Variants in THTPA observed in about 807,000 individuals in gnomAD.
THTPA encodes thiamine triphosphatase.
THTPA carries 16 observed loss-of-function variants against 16.5 expected under a neutral mutation model. The observed-to-expected ratio is 0.97, with a 90% CI of 0.66 to 1.47. The LOEUF is 1.47. Ranked by LOEUF, THTPA falls within the 40% of genes most tolerant of loss-of-function variation. The probability of loss-of-function intolerance (pLI) is 0.00; values close to 1 mark genes in which losing one functional copy is unlikely to be tolerated. For synonymous variants in THTPA, 110 were observed against 115.5 expected (o/e 0.95, Z 0.30); for missense variants, 281 against 280.9 (o/e 1.00, Z 0.00).
rs747620514 is a variant in THTPA, at chr14:23,557,158, G to A, written c.401G>A (p.Gly134Glu). The change falls in exon 1 of 2, where the codon GGA becomes GAA. Residue 134 changes from glycine to glutamate, a missense_variant. By Grantham distance (98) the Gly-to-Glu change is moderately conservative. Transcript: ENST00000288014. ...AGTGCCTGGAAGCTGGTGCTCTTGGGAGCTGATGAAGAGGAGCCACAGCTC... is the reference window on the plus strand; with the variant it reads ...AGTGCCTGGAAGCTGGTGCTCTTGGAAGCTGATGAAGAGGAGCCACAGCTC... Reference protein sequence around the residue: ...KRSAWKLVLLGADEEEPQLRV... With the variant: ...KRSAWKLVLLEADEEEPQLRV... The A allele has an allele frequency of 6.2e-7, 1 of 1,614,182 alleles. No individual in the cohort carries two copies. The highest frequency in any genetic ancestry group is 2.2e-5 in the East Asian group (1 of 44,880).
the THTPA span, among the ~76,000 whole-genome samples, chr14:23,520,274 T>A: frequency 6.6e-6 from 1 of 151,666 alleles, no homozygotes; most frequent in Non-Finnish European, 1.5e-5. The surrounding 1 kb of genome is among the most constrained non-coding windows in gnomAD (Gnocchi z 8.7). Flanking sequence ...CAGCAGCTGC[T>A]GCTTAACGGA....
chr14:23,522,597 A>T, the THTPA span: 67 of 1,529,552 alleles, frequency 4.4e-5, 2 homozygotes, highest in Admixed American at 9.8e-4. Context: ...TGGGGGCCAA[A>T]GACAGCTGGC....
chr14:23,512,249 C>A, the THTPA span, among the ~76,000 whole-genome samples: 2 of 152,044 alleles, frequency 1.3e-5, no homozygotes, highest in Non-Finnish European at 2.9e-5. Flanking sequence ...CAGAAGGCAT[C>A]GCAGATGGCT....
At chr14:23,512,378 A>C in the THTPA span, among the ~76,000 whole-genome samples, 1 of 151,902 alleles carries the variant, frequency 6.6e-6, no homozygotes, top group African/African-American at 2.4e-5. Flanking sequence ...CAGGCAGGGA[A>C]GGGCACAGGG....
At chr14:23,548,783 C>T in the THTPA span, among the ~76,000 whole-genome samples, 12 of 152,180 alleles carry the variant, frequency 7.9e-5, no homozygotes, top group Non-Finnish European at 1.5e-4. Flanking sequence ...GGGCATTTCT[C>T]TCTTCTGGGG....
chr14:23,551,859 C>T (rs987881704), upstream of THTPA, among the ~76,000 whole-genome samples: 9 of 152,194 alleles, frequency 5.9e-5, no homozygotes, highest in African/African-American at 2.2e-4. This position sits in a 1 kb window ranked among gnomAD's most constrained non-coding sequence, Gnocchi z 5.3. Flanking sequence ...TGTTCGCGCC[C>T]GCCCGCCTGC....
At chr14:23,524,402 C>T in the THTPA span, 507 of 1,536,260 alleles carry the variant, frequency 3.3e-4, no homozygotes, top group Admixed American at 5.9e-4. This position sits in a 1 kb window ranked among gnomAD's most constrained non-coding sequence, Gnocchi z 5.6. Flanking sequence ...CCCTCCTCCC[C>T]CTGCTTCACT....
upstream of THTPA, among the ~76,000 whole-genome samples, chr14:23,554,253 G>T (rs1011152172): frequency 6.6e-6 from 1 of 152,084 alleles, no homozygotes; most frequent in Non-Finnish European, 1.5e-5. Flanking sequence ...TAACAAAACC[G>T]GAAAGCAAAA....
the THTPA span, chr14:23,525,432 G>A: frequency 1.3e-5 from 20 of 1,536,022 alleles, no homozygotes; most frequent in African/African-American, 9.6e-5. The surrounding 1 kb of genome is among the most constrained non-coding windows in gnomAD (Gnocchi z 5.9). Flanking sequence ...AGAAAGCGGC[G>A]GTGGACATGT....
At chr14:23,536,028 TCAA>T in the THTPA span, among the ~76,000 whole-genome samples, 1 of 152,192 alleles carries the variant, frequency 6.6e-6, no homozygotes, top group Non-Finnish European at 1.5e-5. Context: ...CATATCCACT[TCAA>T]CAGCAACTTC....
chr14:23,512,970 GGAGA>G, the THTPA span: 1 of 151,902 alleles, frequency 6.6e-6, no homozygotes, highest in Admixed American at 6.6e-5. Context: ...TGTGGATGAA[GGAGA>G]GAGAGAGAAA....
At chr14:23,527,471 C>T in the THTPA span, 1 of 1,203,564 alleles carries the variant, frequency 8.3e-7, no homozygotes, top group Non-Finnish European at 1.2e-6. Context: ...CCTCACCCAG[C>T]CAACACACGC....
the THTPA span, among the ~76,000 whole-genome samples, chr14:23,550,747 T>TCAA: frequency 0.024 from 3,663 of 151,920 alleles, 80 homozygotes; most frequent in South Asian, 0.094. Flanking sequence ...CCTCACCTAC[T>TCAA]CAACACTTTC....
In THTPA at chr14:23,560,183, C is replaced by T. The variant is rs568396537; in HGVS notation, c.*1343C>T. 9.0e-5 allele frequency: 141 copies of T among 1,566,980 alleles called. No individual in the cohort carries two copies. Among genetic ancestry groups the T allele is most frequent in the Admixed American group, 4.1e-4 (24 of 58,318 alleles). ...CAATCCCATCTCACACTGTCTCCCACCCACCTCCTCCACTTAGTGGCCTTT... is the reference window on the plus strand; with the variant it reads ...CAATCCCATCTCACACTGTCTCCCATCCACCTCCTCCACTTAGTGGCCTTT... On this transcript the variant is annotated 3_prime_UTR_variant, in exon 2 of 2. Transcript: ENST00000288014.
the THTPA span, chr14:23,531,335 T>C: frequency 3.3e-6 from 4 of 1,208,500 alleles, no homozygotes; most frequent in South Asian, 5.4e-5. Flanking sequence ...TTCTGTCTTA[T>C]CCCTTCGCAG....
chr14:23,526,887 AGTG>A, the THTPA span: 2 of 1,533,830 alleles, frequency 1.3e-6, no homozygotes, highest in Non-Finnish European at 1.7e-6. Context: ...CTGGCCCATG[AGTG>A]GGGGGTTCTT....
upstream of THTPA, among the ~76,000 whole-genome samples, chr14:23,552,789 C>T (rs1204574872): frequency 3.3e-5 from 5 of 151,150 alleles, no homozygotes; most frequent in African/African-American, 7.3e-5. Context: ...TTAGTAGAGA[C>T]GGGGGTTTCA....
the THTPA span, chr14:23,525,900 A>G: frequency 2.9e-6 from 4 of 1,364,442 alleles, no homozygotes; most frequent in Non-Finnish European, 3.8e-6. This position sits in a 1 kb window ranked among gnomAD's most constrained non-coding sequence, Gnocchi z 5.9. Flanking sequence ...ACCAGAGGGA[A>G]GGGGGGCAGG....
upstream of THTPA, among the ~76,000 whole-genome samples, chr14:23,552,897 C>T (rs530852284): frequency 2.0e-5 from 3 of 152,182 alleles, no homozygotes; most frequent in East Asian, 5.8e-4. Flanking sequence ...CCACCTCACC[C>T]GGCCGCTCCT....
Sources: allele counts gnomAD v4.1 joint callset (sites outside exome capture counted in the v4.1 genomes callset), GRCh38; gene constraint gnomAD v4.1.1; non-coding constraint Gnocchi (gnomAD v3.1); transcripts MANE v1.5; gene names NCBI Gene and HGNC (gene_info 2026-07-23, HGNC 2026-07-21).